PPARGC1A: variants seen among roughly 807,000 people sequenced by gnomAD.
The protein encoded by PPARGC1A is peroxisome proliferator-activated receptor gamma coactivator 1-alpha.
Under a neutral mutation model 88.7 loss-of-function variants are expected in PPARGC1A, and 25 were observed. That is an observed-to-expected ratio of 0.28 (90% CI 0.21 to 0.39). The LOEUF (loss-of-function observed/expected upper bound fraction) is 0.39. Among genes scored for constraint, PPARGC1A ranks in the 10% least tolerant of loss-of-function variants. The pLI, the probability that PPARGC1A is intolerant of heterozygous loss-of-function variation, is 1.00. For missense variants in PPARGC1A, 880 were observed against 968.7 expected, an observed-to-expected ratio of 0.91 and a Z score of 1.22; for synonymous variants, 363 against 355.6, an observed-to-expected ratio of 1.02 and a Z score of -0.24.
chr4:24,069,316 C>G, the PPARGC1A span, among the ~76,000 whole-genome samples: 1 of 152,188 alleles, frequency 6.6e-6, no homozygotes, highest in Non-Finnish European at 1.5e-5. Context: ...AAGTGAGTAA[C>G]TTCAGTGACC....
chr4:23,841,721 A>G (rs1438975222), intron 2 of PPARGC1A, among the ~76,000 whole-genome samples: 1 of 152,116 alleles, frequency 6.6e-6, no homozygotes, highest in African/African-American at 2.4e-5. Flanking sequence ...GCACAAAATA[A>G]TCAGTTGCTG....
the PPARGC1A span, among the ~76,000 whole-genome samples, chr4:24,334,290 T>G: frequency 6.6e-6 from 1 of 152,198 alleles, no homozygotes; most frequent in African/African-American, 2.4e-5. Flanking sequence ...ATTTTATAGA[T>G]GAGAAAACTG....
At chr4:23,918,646 T>A in the PPARGC1A span, among the ~76,000 whole-genome samples, 1 of 152,196 alleles carries the variant, frequency 6.6e-6, no homozygotes, top group Admixed American at 6.5e-5. Flanking sequence ...AACATTAAAA[T>A]ATAAACCCAT....
intron 12 of PPARGC1A, among the ~76,000 whole-genome samples, chr4:23,796,640 G>A (rs1043284773): frequency 1.3e-5 from 2 of 152,062 alleles, no homozygotes; most frequent in African/African-American, 4.8e-5. Flanking sequence ...AAATAGATAT[G>A]TTTTAGCAAT....
the PPARGC1A span, among the ~76,000 whole-genome samples, chr4:24,355,708 C>G: frequency 3.1e-3 from 472 of 152,054 alleles, 6 homozygotes; most frequent in African/African-American, 0.011. Context: ...AGCAAAGTGC[C>G]AGCACACACC....
At chr4:23,803,513 GA>G (rs1719169667) in intron 10 of PPARGC1A, among the ~76,000 whole-genome samples, 1 of 3,216 alleles carries the variant, frequency 3.1e-4, no homozygotes, top group Admixed American at 2.3e-3. Flanking sequence ...CAAAATACAG[GA>G]ATAATATTTA....
chr4:24,002,457 A>C, the PPARGC1A span, among the ~76,000 whole-genome samples: 1 of 152,042 alleles, frequency 6.6e-6, no homozygotes, highest in South Asian at 2.1e-4. Flanking sequence ...ATTCAGTTTG[A>C]CCTGACTCAT....
At chr4:23,890,925 C>G (rs1344478005), upstream of PPARGC1A, among the ~76,000 whole-genome samples, 1 of 152,108 alleles carries the variant, frequency 6.6e-6, no homozygotes, top group Non-Finnish European at 1.5e-5. Flanking sequence ...AGCGTTTCCT[C>G]CCTAACTGCC....
At chr4:23,973,889 A>C in the PPARGC1A span, among the ~76,000 whole-genome samples, 6 of 152,324 alleles carry the variant, frequency 3.9e-5, no homozygotes, top group South Asian at 1.2e-3. Flanking sequence ...AGTCATACAA[A>C]GGGTCAGCAT....
At chr4:24,221,268 TTA>T in the PPARGC1A span, among the ~76,000 whole-genome samples, 1 of 152,210 alleles carries the variant, frequency 6.6e-6, no homozygotes, top group African/African-American at 2.4e-5. Flanking sequence ...ATTAGCCAAT[TTA>T]TTGAACACTT....
the PPARGC1A span, among the ~76,000 whole-genome samples, chr4:24,207,472 TCC>T: frequency 6.6e-6 from 1 of 152,216 alleles, no homozygotes; most frequent in African/African-American, 2.4e-5. Flanking sequence ...GTGGAAATTT[TCC>T]CCCTTTTTAA....
At chr4:24,470,581 T>C in the PPARGC1A span, among the ~76,000 whole-genome samples, 1 of 151,942 alleles carries the variant, frequency 6.6e-6, no homozygotes, top group Non-Finnish European at 1.5e-5. This position sits in a 1 kb window ranked among gnomAD's most constrained non-coding sequence, Gnocchi z 5.8. Context: ...CAGTAGCTCC[T>C]GCAAGTTTCT....
chr4:24,326,333 AAGTT>A, the PPARGC1A span, among the ~76,000 whole-genome samples: 2 of 151,918 alleles, frequency 1.3e-5, no homozygotes, highest in African/African-American at 4.8e-5. Context: ...CAAGCCTTAC[AAGTT>A]AGTTCAGGAT....
chr4:24,437,607 TTGTTGTTGTTG>T, the PPARGC1A span, among the ~76,000 whole-genome samples: 1 of 142,220 alleles, frequency 7.0e-6, no homozygotes, highest in African/African-American at 3.1e-5. Context: ...GTTGTTGTTG[TTGTTGTTGTTG>T]TTGTTGTTGT....
chr4:24,175,075 A>G, the PPARGC1A span, among the ~76,000 whole-genome samples: 2 of 152,186 alleles, frequency 1.3e-5, no homozygotes, highest in African/African-American at 2.4e-5. Flanking sequence ...ACAGTCCCCT[A>G]CAGAGGCCTC....
chr4:23,938,809 T>C, the PPARGC1A span, among the ~76,000 whole-genome samples: 1 of 152,108 alleles, frequency 6.6e-6, no homozygotes, highest in Non-Finnish European at 1.5e-5. Flanking sequence ...AAGCAAACCT[T>C]CCTCCCATCC....
chr4:24,013,033 C>T, the PPARGC1A span, among the ~76,000 whole-genome samples: 2 of 152,086 alleles, frequency 1.3e-5, no homozygotes, highest in Non-Finnish European at 1.5e-5. Flanking sequence ...TATTAGAAAA[C>T]CCCTGTAACA....
the PPARGC1A span, among the ~76,000 whole-genome samples, chr4:24,374,214 A>G: frequency 1.3e-5 from 2 of 152,182 alleles, no homozygotes; most frequent in African/African-American, 2.4e-5. Flanking sequence ...CATTGACCCA[A>G]GTTGGTATTT....
At chr4:24,139,087 T>C in the PPARGC1A span, among the ~76,000 whole-genome samples, 4 of 152,180 alleles carry the variant, frequency 2.6e-5, no homozygotes, top group Non-Finnish European at 4.4e-5. Context: ...TGTGTTAAAC[T>C]ATTTCAACCA....
Sources: allele counts gnomAD v4.1 joint callset (sites outside exome capture counted in the v4.1 genomes callset), GRCh38; gene constraint gnomAD v4.1.1; non-coding constraint Gnocchi (gnomAD v3.1); transcripts MANE v1.5; gene names NCBI Gene and HGNC (gene_info 2026-07-23, HGNC 2026-07-21).